Variants in UNC5D observed in about 807,000 individuals in gnomAD.
UNC5D encodes the protein netrin receptor UNC5D.
Under a neutral mutation model 105.4 loss-of-function variants are expected in UNC5D, and 39 were observed. The ratio of observed to expected loss-of-function variants is 0.37; its 90% CI spans 0.29 to 0.48. The LOEUF is 0.48. UNC5D is among the 20% of genes least tolerant of loss of function. The pLI, the probability that UNC5D is intolerant of heterozygous loss-of-function variation, is 0.98. For missense variants in UNC5D, 991 were observed against 1,202.4 expected (o/e 0.82, Z 2.60); for synonymous variants, 452 against 450.4 (o/e 1.00, Z -0.04).
At chr8:35,355,238 G>A (rs1585653918) in intron 1 of UNC5D, among the ~76,000 whole-genome samples, 1 of 152,146 alleles carries the variant, frequency 6.6e-6, no homozygotes, top group African/African-American at 2.4e-5. Flanking sequence ...ACTTGAGCAA[G>A]ATCCTAAAGA....
chr8:35,745,279 C>A (rs552428875), intron 11 of UNC5D, among the ~76,000 whole-genome samples: 2 of 152,196 alleles, frequency 1.3e-5, no homozygotes, highest in African/African-American at 2.4e-5. Flanking sequence ...ACCTGACAGG[C>A]ACAAGGTGGG....
rs575373267 is a variant in UNC5D, at chr8:35,327,677, C to G, written c.103+91790C>G. Reference sequence around the variant, plus strand: ...GATCCCTAAACTGCTTAACTGACTGCAACTGCTCTTTCCGACCCTGGCACG... The same window carrying G: ...GATCCCTAAACTGCTTAACTGACTGGAACTGCTCTTTCCGACCCTGGCACG... On this transcript the variant is annotated intron_variant, in intron 1 of 16. Coordinates refer to ENST00000404895, the MANE Select transcript of UNC5D (RefSeq NM_080872.4). Among the ~76,000 whole-genome samples the G allele has an allele frequency of 3.9e-5, 6 of 152,318 alleles. No individual in the cohort carries two copies. In the East Asian group the frequency reaches 7.7e-4, roughly 20 times the overall value.
intron 11 of UNC5D, among the ~76,000 whole-genome samples, chr8:35,744,896 T>C (rs1829927890): frequency 6.6e-6 from 1 of 152,048 alleles, no homozygotes; most frequent in African/African-American, 2.4e-5. Flanking sequence ...CTACTAAAAA[T>C]ACAAAAATTA....
chr8:35,701,482 G>A (rs1827193420), intron 7 of UNC5D, among the ~76,000 whole-genome samples: 2 of 152,272 alleles, frequency 1.3e-5, no homozygotes, highest in Admixed American at 6.5e-5. Flanking sequence ...TAGGGATGAT[G>A]TTATAAATAG....
intron 16 of UNC5D, among the ~76,000 whole-genome samples, chr8:35,789,167 ATATATATATATATAT>A (rs1802902041): frequency 2.1e-5 from 2 of 96,634 alleles, no homozygotes; most frequent in South Asian, 6.9e-4. Context: ...ATATATATAT[ATATATATATATATAT>A]ATATATGAGA....
Position 35,248,889 on chromosome 8 carries a change from T to C in UNC5D, c.103+13002T>C, listed in dbSNP as rs191418674. Among the ~76,000 whole-genome samples, 130 of 90,400 alleles carry C rather than the reference T, an allele frequency of 1.4e-3. 1 individual carries two copies. The highest frequency in any genetic ancestry group is 6.4e-3 in the African/African-American group (125 of 19,478). 59.3% of individuals were successfully genotyped at this position (90,400 alleles called of 152,430 possible). On this transcript the variant is annotated intron_variant, in intron 1 of 16. Coordinates refer to ENST00000404895, the MANE Select transcript of UNC5D (RefSeq NM_080872.4). The stretch of plus-strand genomic sequence containing the variant: ...TAATATAAAAATATATAATATATTA[T>C]ATAAATATATAATATATTATATATA...
intron 1 of UNC5D, among the ~76,000 whole-genome samples, chr8:35,284,553 T>TCTTTA (rs745457085): frequency 3.3e-5 from 5 of 152,004 alleles, no homozygotes; most frequent in East Asian, 3.9e-4. Flanking sequence ...ATATAATGTT[T>TCTTTA]CTTTTCTTTT....
intron 3 of UNC5D, among the ~76,000 whole-genome samples, chr8:35,584,441 A>C (rs74714552): frequency 0.019 from 2,839 of 152,024 alleles, 95 homozygotes; most frequent in African/African-American, 0.065. Flanking sequence ...TAGAGACAGA[A>C]TCTCACTCCA....
At chr8:35,776,697 T>C (rs1021073680) in intron 16 of UNC5D, among the ~76,000 whole-genome samples, 1 of 152,208 alleles carries the variant, frequency 6.6e-6, no homozygotes, top group Non-Finnish European at 1.5e-5. Flanking sequence ...ACCTATTTCA[T>C]AGAAAATTTC....
At chr8:35,431,366 T>C (rs1405594616) in intron 1 of UNC5D, among the ~76,000 whole-genome samples, 1 of 152,156 alleles carries the variant, frequency 6.6e-6, no homozygotes, top group Non-Finnish European at 1.5e-5. Context: ...TTATGCTTAA[T>C]CTTGTATTAT....
chr8:35,589,637 T>C (rs1271125615), intron 3 of UNC5D, among the ~76,000 whole-genome samples: 2 of 152,160 alleles, frequency 1.3e-5, no homozygotes, highest in South Asian at 2.1e-4. Context: ...CTACTTCTCT[T>C]TGCTGTCCTT....
At chr8:35,325,768 G>A (rs1810102822) in intron 1 of UNC5D, among the ~76,000 whole-genome samples, 1 of 152,168 alleles carries the variant, frequency 6.6e-6, no homozygotes, top group Admixed American at 6.5e-5. Context: ...GTTCTCAGGT[G>A]GAGGAAGGGG....
chr8:35,526,313 A>G (rs1440670446), intron 1 of UNC5D, among the ~76,000 whole-genome samples: 4 of 152,148 alleles, frequency 2.6e-5, no homozygotes, highest in Non-Finnish European at 5.9e-5. Context: ...ACTCTCCAGA[A>G]AGCGGCTCCC....
chr8:35,269,631 C>A (rs1348899320), intron 1 of UNC5D, among the ~76,000 whole-genome samples: 1 of 152,164 alleles, frequency 6.6e-6, no homozygotes, highest in African/African-American at 2.4e-5. Context: ...AAAAAAATTT[C>A]TTCTGTTTGG....
At chr8:35,283,801 T>TAAAA (rs5890804) in intron 1 of UNC5D, among the ~76,000 whole-genome samples, 4 of 146,672 alleles carry the variant, frequency 2.7e-5, no homozygotes, top group Admixed American at 2.0e-4. Flanking sequence ...AGACTCCGAA[T>TAAAA]AAAAAAAAAA....
chr8:35,273,359 G>T (rs984837088), intron 1 of UNC5D, among the ~76,000 whole-genome samples: 6 of 152,214 alleles, frequency 3.9e-5, no homozygotes, highest in Non-Finnish European at 7.3e-5. Context: ...TAACTGTGAA[G>T]AAATAGATAG....
At chr8:35,765,537 C>A (rs1249965909) in intron 14 of UNC5D, among the ~76,000 whole-genome samples, 1 of 152,150 alleles carries the variant, frequency 6.6e-6, no homozygotes, top group Non-Finnish European at 1.5e-5. Context: ...GCTGGCTTTC[C>A]TCTCTTCAAG....
chr8:35,509,385 G>C (rs1459701830), intron 1 of UNC5D, among the ~76,000 whole-genome samples: 3 of 150,068 alleles, frequency 2.0e-5, no homozygotes, highest in African/African-American at 7.4e-5. Flanking sequence ...GAAGCAGCAA[G>C]GGAGGAAAGG....
intron 1 of UNC5D, among the ~76,000 whole-genome samples, chr8:35,507,358 G>A (rs1812397675): frequency 6.6e-6 from 1 of 152,106 alleles, no homozygotes; most frequent in Admixed American, 6.5e-5. Flanking sequence ...CCGGCCCAGG[G>A]CTTTTCTTAT....
Sources: allele counts gnomAD v4.1 joint callset (sites outside exome capture counted in the v4.1 genomes callset), GRCh38; gene constraint gnomAD v4.1.1; transcripts MANE v1.5; gene names NCBI Gene and HGNC (gene_info 2026-07-23, HGNC 2026-07-21).